The following LRRC4C variants were observed in gnomAD, a reference collection of about 807,000 sequenced individuals.
The protein encoded by LRRC4C is leucine-rich repeat-containing protein 4C.
Under a neutral mutation model 33.6 loss-of-function variants are expected in LRRC4C, and 5 were observed. The ratio of observed to expected loss-of-function variants is 0.15; its 90% CI spans 0.08 to 0.31. LRRC4C has a LOEUF of 0.31. LRRC4C is among the 10% of genes least tolerant of loss of function. LRRC4C has a pLI of 1.00. For synonymous variants in LRRC4C, 329 were observed against 302.0 expected, an observed-to-expected ratio of 1.09 and a Z score of -0.93; for missense variants, 560 against 796.7, an observed-to-expected ratio of 0.70 and a Z score of 3.58.
chr11:40,969,824 A>G (rs1229939073), intron 1 of LRRC4C, among the ~76,000 whole-genome samples: 1 of 152,172 alleles, frequency 6.6e-6, no homozygotes, highest in Non-Finnish European at 1.5e-5. Context: ...AGTGACCTGG[A>G]ATTGAACCCT....
chr11:40,949,258 C>G (rs1276308039), intron 1 of LRRC4C, among the ~76,000 whole-genome samples: 2 of 152,040 alleles, frequency 1.3e-5, no homozygotes, highest in Non-Finnish European at 2.9e-5. Flanking sequence ...ATTGTAGATT[C>G]TGGACATTAG....
At chr11:41,439,710 C>T (rs1446866489) in intron 1 of LRRC4C, among the ~76,000 whole-genome samples, 2 of 152,002 alleles carry the variant, frequency 1.3e-5, no homozygotes, top group Non-Finnish European at 2.9e-5. Flanking sequence ...TGTTTTTGCC[C>T]ACTTTGTGGC....
At chr11:40,345,620 AT>A (rs1490066007) in intron 3 of LRRC4C, among the ~76,000 whole-genome samples, 2 of 152,160 alleles carry the variant, frequency 1.3e-5, no homozygotes, top group African/African-American at 4.8e-5. Flanking sequence ...AAGAATTACC[AT>A]TCTGGATGTA....
intron 2 of LRRC4C, among the ~76,000 whole-genome samples, chr11:40,905,208 A>G (rs1157582504): frequency 6.6e-6 from 1 of 152,168 alleles, no homozygotes; most frequent in South Asian, 2.1e-4. Context: ...GATGAAGTGT[A>G]GCCTCATTTC....
At chr11:40,760,824 T>C (rs954029347) in intron 2 of LRRC4C, among the ~76,000 whole-genome samples, 41 of 145,866 alleles carry the variant, frequency 2.8e-4, no homozygotes, top group Admixed American at 4.2e-4. Context: ...CACACACACA[T>C]ATATTTATAT....
At chr11:41,407,310 T>C (rs944939135) in intron 1 of LRRC4C, among the ~76,000 whole-genome samples, 27 of 151,398 alleles carry the variant, frequency 1.8e-4, no homozygotes, top group African/African-American at 6.5e-4. Context: ...CCTTTTTTTT[T>C]TTTTTTTTTG....
chr11:41,164,132 G>C (rs1944608579), intron 1 of LRRC4C, among the ~76,000 whole-genome samples: 1 of 148,944 alleles, frequency 6.7e-6, no homozygotes, highest in Admixed American at 6.7e-5. Context: ...CAGTTTCACT[G>C]TACAAAGAAT....
At chr11:40,572,091 A>T (rs1326098139) in intron 3 of LRRC4C, among the ~76,000 whole-genome samples, 1 of 152,216 alleles carries the variant, frequency 6.6e-6, no homozygotes, top group African/African-American at 2.4e-5. Context: ...ACATTATAGG[A>T]AGTATGGTAC....
At chr11:40,229,999 C>A (rs543501193) in intron 5 of LRRC4C, among the ~76,000 whole-genome samples, 5 of 152,286 alleles carry the variant, frequency 3.3e-5, no homozygotes, top group African/African-American at 1.2e-4. Context: ...GAATAACATA[C>A]TTCTCCGTGA....
rs1376567334 is a variant in LRRC4C, at chr11:41,163,287, T to TTTTTTTTTTTTTG, written c.-495-229565_-495-229564insCAAAAAAAAAAAA. On this transcript the variant is annotated intron_variant, in intron 1 of 6. Coordinates refer to ENST00000528697, the MANE Select transcript of LRRC4C (RefSeq NM_001258419.2). ...ATAAACTTAGTTTACTGTAACTGTT[T>TTTTTTTTTTTTTG]TTTTTTTTTTTTTTCAAACAGGGTC... 3.7e-5 allele frequency among the ~76,000 whole-genome samples: 4 copies of TTTTTTTTTTTTTG among 109,156 alleles called. 1 individual carries two copies. 71.6% of individuals were successfully genotyped at this position (109,156 alleles called of 152,430 possible). A position where few individuals can be genotyped will look rare whatever the true frequency, so the allele number is the denominator to read the frequency against.
At chr11:41,425,309 G>A (rs1239148739) in intron 1 of LRRC4C, among the ~76,000 whole-genome samples, 1 of 152,042 alleles carries the variant, frequency 6.6e-6, no homozygotes, top group Non-Finnish European at 1.5e-5. Context: ...CAGGGGAAGG[G>A]CCAAAATCAA....
At chr11:41,082,427 CTTTTTT>C (rs537908452) in intron 1 of LRRC4C, among the ~76,000 whole-genome samples, 83 of 114,930 alleles carry the variant, frequency 7.2e-4, no homozygotes, top group African/African-American at 2.6e-3. Flanking sequence ...AAATCTCACG[CTTTTTT>C]TTTTTTTTTT....
At chr11:40,513,514 G>T (rs765179042) in intron 3 of LRRC4C, among the ~76,000 whole-genome samples, 10 of 152,112 alleles carry the variant, frequency 6.6e-5, no homozygotes, top group Non-Finnish European at 1.5e-4. Flanking sequence ...AGTACACAGG[G>T]CTGCAAGCTG....
intron 4 of LRRC4C, among the ~76,000 whole-genome samples, chr11:40,250,631 C>T (rs1321455091): frequency 6.6e-6 from 1 of 151,878 alleles, no homozygotes; most frequent in South Asian, 2.1e-4. Context: ...CCCAACTACT[C>T]GGGAAGCTGA....
intron 1 of LRRC4C, among the ~76,000 whole-genome samples, chr11:41,134,842 T>C (rs1329108140): frequency 6.6e-6 from 1 of 152,114 alleles, no homozygotes; most frequent in Non-Finnish European, 1.5e-5. Flanking sequence ...ACAATCCAAC[T>C]AATAACAGGT....
chr11:41,383,826 T>C (rs1392135943), intron 1 of LRRC4C, among the ~76,000 whole-genome samples: 4 of 151,822 alleles, frequency 2.6e-5, no homozygotes, highest in Non-Finnish European at 4.4e-5. Flanking sequence ...AAATTCCAAC[T>C]CTTTGTTGTT....
chr11:40,939,566 G>A (rs1958053741), intron 1 of LRRC4C, among the ~76,000 whole-genome samples: 1 of 152,002 alleles, frequency 6.6e-6, no homozygotes, highest in South Asian at 2.1e-4. Flanking sequence ...CACTCTTTCG[G>A]CACCTGGGGA....
intron 1 of LRRC4C, among the ~76,000 whole-genome samples, chr11:40,986,419 G>A (rs562964262): frequency 2.0e-5 from 3 of 152,202 alleles, no homozygotes; most frequent in Non-Finnish European, 2.9e-5. Flanking sequence ...GCAACATAGC[G>A]AGACCGCATC....
chr11:40,180,570 AT>A, intron 5 of LRRC4C, among the ~76,000 whole-genome samples: 1 of 152,236 alleles, frequency 6.6e-6, no homozygotes, highest in Non-Finnish European at 1.5e-5. Context: ...TTCTGGGATG[AT>A]TTTTTTGTTG....
Sources: gnomAD v4.1 joint callset for allele counts (sites outside exome capture counted in the v4.1 genomes callset) on GRCh38, gnomAD v4.1.1 for gene constraint, MANE v1.5 for transcripts, NCBI Gene and HGNC (gene_info 2026-07-23, HGNC 2026-07-21) for gene names.